CADPS: variants seen among roughly 807,000 people sequenced by gnomAD.
The protein encoded by CADPS is calcium dependent secretion activator.
A neutral mutation model predicts 167.3 loss-of-function variants in CADPS; 57 were observed. The ratio of observed to expected loss-of-function variants is 0.34; its 90% CI spans 0.28 to 0.42. CADPS has a LOEUF of 0.42. Ranked by LOEUF, CADPS falls within the 20% of genes least tolerant of loss-of-function variation. The probability of loss-of-function intolerance (pLI) is 1.00; values close to 1 mark genes in which losing one functional copy is unlikely to be tolerated. For missense variants in CADPS, 1,414 were observed against 1,738.1 expected (o/e 0.81, Z 3.32); for synonymous variants, 676 against 635.3 (o/e 1.06, Z -0.96).
chr3:62,651,279 A>G (rs1263768520), intron 4 of CADPS, among the ~76,000 whole-genome samples, 199 bp from the exon 5 acceptor site: 1 of 152,206 alleles, frequency 6.6e-6, no homozygotes, highest in African/African-American at 2.4e-5. Context: ...TATACATTGT[A>G]ACAGGTAAGA....
intron 1 of CADPS, among the ~76,000 whole-genome samples, chr3:62,798,885 A>C (rs192512041): frequency 3.3e-5 from 5 of 152,302 alleles, no homozygotes; most frequent in Admixed American, 1.3e-4. Flanking sequence ...AGAATGAATG[A>C]CCTGTATTGG....
intron 3 of CADPS, among the ~76,000 whole-genome samples, chr3:62,728,230 A>G (rs1271406628): frequency 6.6e-6 from 1 of 151,762 alleles, no homozygotes; most frequent in African/African-American, 2.4e-5. Flanking sequence ...CTCAAATCCA[A>G]AAGGGTCTGT....
chr3:62,516,290 A>G (rs983261515), intron 15 of CADPS, 108 bp from the exon 16 acceptor site: 3 of 1,379,790 alleles, frequency 2.2e-6, no homozygotes, highest in African/African-American at 2.9e-5. Context: ...GTGACTTAAT[A>G]AGATTGAGAG....
intron 29 of CADPS, among the ~76,000 whole-genome samples, chr3:62,402,469 A>G (rs1340229316): frequency 6.6e-6 from 1 of 152,214 alleles, no homozygotes; most frequent in African/African-American, 2.4e-5. Context: ...CATGTAAACC[A>G]CTGAGATTTC....
At chr3:62,807,796 A>G (rs956339552) in intron 1 of CADPS, among the ~76,000 whole-genome samples, 2 of 151,948 alleles carry the variant, frequency 1.3e-5, no homozygotes, top group Non-Finnish European at 2.9e-5. Flanking sequence ...GTCAACTGTT[A>G]TATATCTAGA....
At chr3:62,405,281 T>C (rs1708027253) in intron 28 of CADPS, among the ~76,000 whole-genome samples, 2 of 150,874 alleles carry the variant, frequency 1.3e-5, no homozygotes, top group South Asian at 4.2e-4. Context: ...TCATGAGGGG[T>C]ACATCTCAGG....
At chr3:62,560,191 T>C (rs143000960) in intron 9 of CADPS, among the ~76,000 whole-genome samples, 2 of 152,210 alleles carry the variant, frequency 1.3e-5, no homozygotes, top group African/African-American at 4.8e-5. Flanking sequence ...TGATTTCTCT[T>C]TGAATGATTC....
intron 3 of CADPS, among the ~76,000 whole-genome samples, chr3:62,685,432 A>T (rs1448505497): frequency 6.6e-6 from 1 of 151,966 alleles, no homozygotes; most frequent in Non-Finnish European, 1.5e-5. Context: ...ACTGGTGATA[A>T]TAATGTTAAT....
At chr3:62,824,553 C>T (rs2152952805) in intron 1 of CADPS, among the ~76,000 whole-genome samples, 1 of 152,228 alleles carries the variant, frequency 6.6e-6, no homozygotes, top group South Asian at 2.1e-4. Context: ...TTAAAATAAT[C>T]CTTCAGGTTT....
intron 6 of CADPS, among the ~76,000 whole-genome samples, chr3:62,641,944 T>A (rs2067506260): frequency 6.6e-6 from 1 of 152,106 alleles, no homozygotes; most frequent in Non-Finnish European, 1.5e-5. Flanking sequence ...ATACAACTGA[T>A]CCAATATGAC....
intron 1 of CADPS, among the ~76,000 whole-genome samples, chr3:62,864,235 C>A (rs552844567): frequency 1.3e-5 from 2 of 152,272 alleles, no homozygotes; most frequent in South Asian, 4.1e-4. Context: ...ATGCAAATGG[C>A]TAAATGTATG....
chr3:62,447,343 G>C (rs1296238150), intron 26 of CADPS, among the ~76,000 whole-genome samples: 2 of 152,154 alleles, frequency 1.3e-5, no homozygotes, highest in Non-Finnish European at 2.9e-5. Flanking sequence ...CTATCTTCTT[G>C]AATCATTGCC....
At position 62,438,469 on chromosome 3, in the gene CADPS, A is replaced by AT. The variant is rs35300271; in HGVS notation, c.3670-259dup. ...TTTATAAATAGTTTTTCTATGATAAATTTTTTCCTGGCAAATTTATCTAAT... is the reference window on the plus strand; with the variant it reads ...TTTATAAATAGTTTTTCTATGATAAATTTTTTTCCTGGCAAATTTATCTAAT... On this transcript the variant is annotated intron_variant, in intron 27 of 29. Coordinates refer to ENST00000383710, the MANE Select transcript of CADPS (RefSeq NM_003716.4). The surrounding 1 kb of genome is among the most constrained non-coding windows in gnomAD (Gnocchi z 4.7). The AT allele has an allele frequency of 2.0e-5, 8 of 399,950 alleles. No homozygotes were observed. In the East Asian group the frequency reaches 4.0e-4, roughly 20 times the overall value. The allele number at this position is 399,950 out of a possible 1,614,324, so 24.8% of individuals were successfully genotyped here.
intron 8 of CADPS, among the ~76,000 whole-genome samples, chr3:62,582,992 A>C (rs965145649): frequency 2.0e-5 from 3 of 152,200 alleles, no homozygotes; most frequent in Non-Finnish European, 4.4e-5. Flanking sequence ...AGAGTAAGTG[A>C]CACAATAAAA....
intron 3 of CADPS, among the ~76,000 whole-genome samples, chr3:62,688,436 T>C (rs111531780): frequency 1.3e-5 from 2 of 152,072 alleles, no homozygotes; most frequent in South Asian, 2.1e-4. Flanking sequence ...AAGTAGGAGA[T>C]GTTGTTACTG....
At chr3:62,774,516 AAGG>A (rs1282994882) in intron 1 of CADPS, among the ~76,000 whole-genome samples, 3 of 152,214 alleles carry the variant, frequency 2.0e-5, no homozygotes, top group Non-Finnish European at 4.4e-5. Context: ...TGAGGACTGC[AAGG>A]AGGTTTTGTT....
chr3:62,430,667 T>C (rs930307972), intron 28 of CADPS, among the ~76,000 whole-genome samples: 9 of 151,984 alleles, frequency 5.9e-5, no homozygotes, highest in Admixed American at 5.9e-4. Context: ...CTTACATACA[T>C]ACATACACAT....
At chr3:62,426,275 G>A (rs926768104) in intron 28 of CADPS, among the ~76,000 whole-genome samples, 1 of 152,090 alleles carries the variant, frequency 6.6e-6, no homozygotes, top group Admixed American at 6.6e-5. Flanking sequence ...TTCAGCCTCT[G>A]GAGTAGCTGG....
At chr3:62,440,801 G>C (rs1047753916) in intron 27 of CADPS, 1 of 152,176 alleles carries the variant, frequency 6.6e-6, no homozygotes, top group African/African-American at 2.4e-5. Flanking sequence ...TGAGGGAGGA[G>C]GCTGCCCAAC....
Sources: gnomAD v4.1 joint callset for allele counts (sites outside exome capture counted in the v4.1 genomes callset) on GRCh38, gnomAD v4.1.1 for gene constraint, Gnocchi (gnomAD v3.1) non-coding constraint, MANE v1.5 for transcripts, NCBI Gene and HGNC (gene_info 2026-07-23, HGNC 2026-07-21) for gene names.